Variants in MARCHF6 observed in about 807,000 individuals in gnomAD.
MARCHF6 encodes the protein E3 ubiquitin-protein ligase MARCHF6.
Under a neutral mutation model 133.7 loss-of-function variants are expected in MARCHF6, and 31 were observed. The observed-to-expected ratio is 0.23, with a 90% confidence interval of 0.17 to 0.31. The LOEUF (loss-of-function observed/expected upper bound fraction) is 0.31. Ranked by LOEUF, MARCHF6 falls within the 10% of genes least tolerant of loss-of-function variation. The pLI is 1.00. For synonymous variants in MARCHF6, 395 were observed against 402.5 expected, an observed-to-expected ratio of 0.98 and a Z score of 0.22; for missense variants, 723 against 1,121.6, an observed-to-expected ratio of 0.64 and a Z score of 5.08.
chr5:10,407,074 T>C, intron 16 of MARCHF6, 28 bp from the exon 17 acceptor site: 1 of 1,268,322 alleles, frequency 7.9e-7, no homozygotes, highest in Non-Finnish European at 1.2e-6. Flanking sequence ...ACTCTTATAG[T>C]GGTGTCATAC....
At chr5:10,402,731 T>C (rs1738620497) in intron 14 of MARCHF6, 124 bp downstream of exon 14, 1 of 877,548 alleles carries the variant, frequency 1.1e-6, no homozygotes, top group Admixed American at 2.1e-5. Context: ...TTTTGGCATG[T>C]GTATCAGTAT....
At chr5:10,355,897 C>T (rs1735427686) in intron 1 of MARCHF6, among the ~76,000 whole-genome samples, 2 of 152,142 alleles carry the variant, frequency 1.3e-5, no homozygotes, top group Non-Finnish European at 2.9e-5. Context: ...TTATTTTTGT[C>T]ACTCCCTCTA....
chr5:10,394,572 ACT>A (rs1212831069), intron 8 of MARCHF6, among the ~76,000 whole-genome samples, 179 bp from the exon 9 acceptor site: 1 of 152,110 alleles, frequency 6.6e-6, no homozygotes, highest in African/African-American at 2.4e-5. Flanking sequence ...AAAATATAAA[ACT>A]CTCATTCAGA....
intron 20 of MARCHF6, 110 bp from the exon 21 acceptor site, chr5:10,415,378 A>G: frequency 2.0e-6 from 2 of 979,186 alleles, no homozygotes; most frequent in Non-Finnish European, 3.1e-6. Context: ...ACATTGATAT[A>G]TCGAATGTGA....
In MARCHF6 at chr5:10,410,277, G is replaced by C. The variant is rs1369002729; in HGVS notation, c.1691+1G>C. On this transcript the variant is annotated splice_donor_variant, in intron 18 of 25. Coordinates refer to ENST00000274140, the MANE Select transcript of MARCHF6 (RefSeq NM_005885.4). LOFTEE classifies it high-confidence loss of function. ...GGACTGTGACCGCCGGATACTTGCT[G>C]TGAGTATGGGCAGCTGACTCCTTGG... is the stretch of plus-strand genomic sequence containing the variant. 1 of 1,612,368 alleles carries C rather than the reference G, an allele frequency of 6.2e-7. No homozygotes were observed. The highest frequency in any genetic ancestry group is 8.5e-7 in the Non-Finnish European group (1 of 1,179,910).
Position 10,405,622 on chromosome 5 carries a change from A to G in MARCHF6, c.1397A>G (p.Gln466Arg). Residue 466 changes from glutamine (Q) to arginine (R), a missense_variant, in exon 16 of 26, where the codon CAG becomes CGG. Gln to Arg is a conservative substitution (Grantham distance 43). This residue lies in a region of MARCHF6 where 492 missense variants were observed against 699.5 expected (regional missense o/e 0.70). Transcript: ENST00000274140. ...AATGATCCAGATTTCAATCCAGTAC[A>G]GGAAATGATCCATTTGCCAATATAT... ...NLNDPDFNPVQEMIHLPIYRH... is the reference protein window; with the variant it reads ...NLNDPDFNPVREMIHLPIYRH... The G allele has an allele frequency of 6.2e-7, 1 of 1,610,708 alleles. No individual in the cohort carries two copies.
chr5:10,403,631 T>TC, intron 15 of MARCHF6, 90 bp downstream of exon 15: 1 of 1,200,642 alleles, frequency 8.3e-7, no homozygotes, highest in South Asian at 1.7e-5. Flanking sequence ...TATGATGATT[T>TC]CCTACCTAAA....
At chr5:10,380,103 A>G (rs370111264) in intron 3 of MARCHF6, among the ~76,000 whole-genome samples, 1 of 150,452 alleles carries the variant, frequency 6.6e-6, no homozygotes, top group African/African-American at 2.5e-5. Flanking sequence ...ATAATTTTTC[A>G]TTCTGGGATC....
intron 1 of MARCHF6, among the ~76,000 whole-genome samples, chr5:10,371,724 G>T (rs1736472970): frequency 6.6e-6 from 1 of 152,196 alleles, no homozygotes; most frequent in South Asian, 2.1e-4. Flanking sequence ...GTTCTTAGCT[G>T]ATGTCAAAGT....
chr5:10,365,014 G>A (rs1736055377), intron 1 of MARCHF6, among the ~76,000 whole-genome samples: 1 of 151,994 alleles, frequency 6.6e-6, no homozygotes, highest in Non-Finnish European at 1.5e-5. Flanking sequence ...TGTTGGCCAA[G>A]CTGGTCTTGA....
In MARCHF6 at chr5:10,381,718, T is replaced by C. The variant is rs535074235; in HGVS notation, c.191-82T>C. 6.5e-5 allele frequency: 70 copies of C among 1,081,110 alleles called. No homozygotes were observed. In the African/African-American group the frequency reaches 1.0e-3, roughly 16 times the overall value. The allele number at this position is 1,081,110 out of a possible 1,614,324, so 67.0% of individuals were successfully genotyped here. On this transcript the variant is annotated intron_variant, in intron 3 of 25. Coordinates refer to ENST00000274140, the MANE Select transcript of MARCHF6 (RefSeq NM_005885.4). ...AAGCACAAGGCAAATATTGGAAGTT[T>C]AGTTAATGTCTATTTTATATTTATG... is the stretch of plus-strand genomic sequence containing the variant.
At chr5:10,365,378 G>T (rs894148948) in intron 1 of MARCHF6, among the ~76,000 whole-genome samples, 6 of 151,860 alleles carry the variant, frequency 4.0e-5, no homozygotes, top group Non-Finnish European at 5.9e-5. Context: ...TTGGCTCACC[G>T]CAACCTCCGC....
chr5:10,416,778 A>C (rs1399642877), intron 21 of MARCHF6, among the ~76,000 whole-genome samples: 1 of 152,210 alleles, frequency 6.6e-6, no homozygotes, highest in African/African-American at 2.4e-5. Context: ...GAGCTGCACT[A>C]TCTGGTATAC....
At chr5:10,382,485 G>T (rs1387087773) in intron 4 of MARCHF6, among the ~76,000 whole-genome samples, 2 of 143,174 alleles carry the variant, frequency 1.4e-5, no homozygotes, top group Admixed American at 7.0e-5. Context: ...AAAAAAAAAA[G>T]GACTGCAAAA....
intron 17 of MARCHF6, among the ~76,000 whole-genome samples, chr5:10,407,404 T>G (rs1002223499): frequency 1.3e-5 from 2 of 152,188 alleles, no homozygotes; most frequent in African/African-American, 4.8e-5. Context: ...TTTTCCACTT[T>G]GCATAAATTT....
At chr5:10,381,383 C>T (rs1403694134) in intron 3 of MARCHF6, among the ~76,000 whole-genome samples, 2 of 152,152 alleles carry the variant, frequency 1.3e-5, no homozygotes, top group Non-Finnish European at 2.9e-5. Context: ...CTATTTAATG[C>T]TTATATTTGG....
At chr5:10,429,819 G>T in intron 24 of MARCHF6, 74 bp from the exon 25 acceptor site, 1 of 1,264,438 alleles carries the variant, frequency 7.9e-7, no homozygotes, top group South Asian at 1.3e-5. Flanking sequence ...ATTCTTCTAG[G>T]GGAAGGACAT....
Position 10,378,822 on chromosome 5 carries a change from T to C in MARCHF6, c.180T>C (p.Ala60=), listed in dbSNP as rs763172236. The change falls in exon 3 of 26, where the codon GCT becomes GCC. Residue 60 remains alanine (A), a synonymous_variant. Coordinates refer to ENST00000274140, the MANE Select transcript of MARCHF6 (RefSeq NM_005885.4). Reference sequence around the variant, plus strand: ...GTGAATTATGCAAGCACAGATTTGCTTTTACACCAAGTAAGTTCTTTAGAC... The same window carrying C: ...GTGAATTATGCAAGCACAGATTTGCCTTTACACCAAGTAAGTTCTTTAGAC... ...EYCELCKHRF[A]FTPIYSPDMP... The C allele has an allele frequency of 6.2e-7, 1 of 1,608,060 alleles. No homozygotes were observed. The highest frequency in any genetic ancestry group is 1.7e-5 in the Admixed American group (1 of 59,470).
Position 10,433,666 on chromosome 5 carries a change from A to G in MARCHF6, c.2715A>G (p.Pro905=). The change falls in exon 26 of 26, where the codon CCA becomes CCG. Residue 905 remains proline, a synonymous_variant. Coordinates refer to ENST00000274140, the MANE Select transcript of MARCHF6 (RefSeq NM_005885.4). ...SGKQGSSPPP[P]QSSQE ...AACAAGGCTCATCTCCACCACCTCC[A>G]CAGTCATCCCAAGAATAAAGTAGTT... The G allele has an allele frequency of 2.5e-6, 4 of 1,614,134 alleles. No individual in the cohort carries two copies. The highest frequency in any genetic ancestry group is 3.4e-6 in the Non-Finnish European group (4 of 1,179,976).
Sources: allele counts gnomAD v4.1 joint callset (sites outside exome capture counted in the v4.1 genomes callset), GRCh38; gene constraint gnomAD v4.1.1; regional missense constraint gnomAD v4.1.1; transcripts MANE v1.5; gene names NCBI Gene and HGNC (gene_info 2026-07-23, HGNC 2026-07-21).